TRIM4: variants seen among roughly 807,000 people sequenced by gnomAD.
TRIM4 encodes E3 ubiquitin-protein ligase TRIM4.
Under a neutral mutation model 33.7 loss-of-function variants are expected in TRIM4, and 29 were observed. The observed-to-expected ratio is 0.86, with a 90% confidence interval of 0.64 to 1.17. The LOEUF is 1.17. Among genes scored for constraint, TRIM4 ranks in the 50% most tolerant of loss-of-function variants. The probability of loss-of-function intolerance (pLI) is 0.00; values close to 1 mark genes in which losing one functional copy is unlikely to be tolerated. For missense variants in TRIM4, 554 were observed against 593.7 expected (o/e 0.93, Z 0.69); for synonymous variants, 224 against 233.0 (o/e 0.96, Z 0.35).
rs1304422181 is a variant in TRIM4 at position 99,908,819 on chromosome 7, C to T, written c.490-7G>A. On this transcript the variant is annotated splice_region_variant and splice_polypyrimidine_tract_variant and intron_variant, in intron 2 of 5. Coordinates refer to ENST00000349062, the MANE Select transcript of TRIM4 (RefSeq NM_033091.3). Reference sequence around the variant, plus strand: ...GCTGACTCTTTATCTTATCCTAAGGCCACATGAGATTTGCTCACTCCTTTT... The same window carrying T: ...GCTGACTCTTTATCTTATCCTAAGGTCACATGAGATTTGCTCACTCCTTTT... The T allele has an allele frequency of 7.4e-6, 12 of 1,611,028 alleles. No individual in the cohort carries two copies. In the East Asian group the frequency reaches 2.2e-4, roughly 30 times the overall value.
At chr7:99,903,000 T>G (rs927593201) in intron 5 of TRIM4, among the ~76,000 whole-genome samples, 1 of 152,122 alleles carries the variant, frequency 6.6e-6, no homozygotes, top group Admixed American at 6.5e-5. Context: ...TACGAACTCA[T>G]GAAGAAGTGA....
rs764031797 is a variant in TRIM4, at chr7:99,919,010, C to T, written c.392G>A (p.Arg131Gln). 2.5e-5 allele frequency: 40 copies of T among 1,589,224 alleles called. No individual in the cohort carries two copies. The highest frequency in any genetic ancestry group is 3.3e-5 in the Non-Finnish European group (39 of 1,170,102). ...TAGTCACCGCGACGGCCAGCTCACC[C>T]GGTAGCTCTCGAAGGCCTCGTCGAT... Reference protein sequence around the residue: ...APIDEAFESYREKLLKSQRNL... With the variant: ...APIDEAFESYQEKLLKSQRNL... Residue 131 changes from arginine (R) to glutamine (Q), a missense_variant and splice_region_variant, in exon 1 of 6, where the codon CGG becomes CAG. Transcript: ENST00000349062.
chr7:99,917,829 GGGGC>G, intron 1 of TRIM4: 27 of 985,356 alleles, frequency 2.7e-5, no homozygotes, highest in Non-Finnish European at 3.1e-5. Context: ...GGGAGGGGGT[GGGGC>G]TACTCTGGAA....
chr7:99,917,780 A>G lies in TRIM4; in HGVS notation c.393+1229T>C, dbSNP rs934371086. 1.0e-5 allele frequency: 10 copies of G among 978,430 alleles called. No individual in the cohort carries two copies. In the South Asian group the frequency reaches 4.7e-4, roughly 46 times the overall value. The allele number at this position is 978,430 out of a possible 1,614,324, so 60.6% of individuals were successfully genotyped here. ...TGTGTTCATGTACTTACTGCATATC[A>G]ATTCTGCTGGAGACCACTGGAGTTA... On this transcript the variant is annotated intron_variant, in intron 1 of 5. Transcript: ENST00000349062.
chr7:99,903,550 C>T (rs958614412), intron 4 of TRIM4, 26 bp downstream of exon 4: 3 of 1,614,100 alleles, frequency 1.9e-6, no homozygotes, highest in Non-Finnish European at 1.7e-6. Flanking sequence ...CCACCCAGGT[C>T]CCCATAAGAG....
intron 1 of TRIM4, among the ~76,000 whole-genome samples, chr7:99,915,635 C>G (rs1819539647): frequency 6.6e-6 from 1 of 152,126 alleles, no homozygotes; most frequent in African/African-American, 2.4e-5. Context: ...TTCTAACTAA[C>G]TTGGGGTGGG....
Position 99,908,817 on chromosome 7 carries a change from G to T in TRIM4, c.490-5C>A, listed in dbSNP as rs1387065605. 2 of 1,611,398 alleles carry T rather than the reference G, an allele frequency of 1.2e-6. No individual in the cohort carries two copies. Among genetic ancestry groups the T allele is most frequent in the Admixed American group, 3.4e-5 (2 of 59,500 alleles). The stretch of plus-strand genomic sequence containing the variant: ...TCGCTGACTCTTTATCTTATCCTAA[G>T]GCCACATGAGATTTGCTCACTCCTT... On this transcript the variant is annotated splice_region_variant and splice_polypyrimidine_tract_variant and intron_variant, in intron 2 of 5. Transcript: ENST00000349062.
At chr7:99,899,358 A>G (rs978246228) in intron 5 of TRIM4, among the ~76,000 whole-genome samples, 3 of 152,230 alleles carry the variant, frequency 2.0e-5, no homozygotes. Flanking sequence ...TTTTACAAAT[A>G]GCAGTGGTTT....
At chr7:99,903,462 C>A in intron 4 of TRIM4, 114 bp downstream of exon 4, 1 of 1,432,420 alleles carries the variant, frequency 7.0e-7, no homozygotes, top group Non-Finnish European at 9.8e-7. Context: ...TTCCTCAGAC[C>A]CCCATTAGGG....
At position 99,909,563 on chromosome 7, in the gene TRIM4, AC is replaced by A; in HGVS notation, c.489+1del. On this transcript the variant is annotated splice_donor_variant, in intron 2 of 5. Coordinates refer to ENST00000349062, the MANE Select transcript of TRIM4 (RefSeq NM_033091.3). LOFTEE classifies it high-confidence loss of function. ...GAAATATCCAACCACTTCTGCCATT[AC>A]CTTCCACTGTGTGGCGTTCTTCACT... The A allele has an allele frequency of 1.2e-6, 2 of 1,613,278 alleles. No individual in the cohort carries two copies. The highest frequency in any genetic ancestry group is 1.7e-6 in the Non-Finnish European group (2 of 1,179,600).
chr7:99,907,458 C>T (rs1333682055), intron 3 of TRIM4, among the ~76,000 whole-genome samples: 1 of 152,210 alleles, frequency 6.6e-6, no homozygotes, highest in Non-Finnish European at 1.5e-5. Flanking sequence ...TTTCCATTTG[C>T]TGATATAATT....
chr7:99,892,250 A>T lies in TRIM4; in HGVS notation c.1338T>A (p.Ser446=). The change falls in exon 6 of 6, where the codon TCT becomes TCA. Residue 446 remains serine, a synonymous_variant. Coordinates refer to ENST00000349062, the MANE Select transcript of TRIM4 (RefSeq NM_033091.3). ...GCCGGAGGCGTGAGACAGAAGAACA[A>T]GAAAAGGTGTGCAGGTGCACTCCGT... is the stretch of plus-strand genomic sequence containing the variant. ...AVDGVHLHTF[S]CSSVSRLRPF... The T allele has an allele frequency of 3.7e-6, 6 of 1,614,224 alleles. No homozygotes were observed. The highest frequency in any genetic ancestry group is 5.1e-6 in the Non-Finnish European group (6 of 1,180,042).
chr7:99,905,578 T>C (rs1170970868), intron 3 of TRIM4, among the ~76,000 whole-genome samples: 1 of 152,158 alleles, frequency 6.6e-6, no homozygotes, highest in Non-Finnish European at 1.5e-5. Flanking sequence ...TGCTGGGAGC[T>C]GAAGGCAGGC....
intron 1 of TRIM4, among the ~76,000 whole-genome samples, chr7:99,915,228 G>A (rs932642765): frequency 6.6e-6 from 1 of 152,144 alleles, no homozygotes; most frequent in African/African-American, 2.4e-5. Context: ...GAGCTCCATG[G>A]AAAGCCTTTA....
At chr7:99,910,361 CA>C (rs1294735227) in intron 1 of TRIM4, among the ~76,000 whole-genome samples, 7 of 152,012 alleles carry the variant, frequency 4.6e-5, no homozygotes, top group African/African-American at 1.7e-4. Context: ...CAAAAATAAC[CA>C]ATATGTAAAG....
chr7:99,892,858 T>C, intron 5 of TRIM4, 112 bp from the exon 6 acceptor site: 1 of 927,588 alleles, frequency 1.1e-6, no homozygotes, highest in Non-Finnish European at 1.6e-6. Flanking sequence ...CAAACACTCA[T>C]GACTCCACTG....
rs201741037 is a variant in TRIM4 at position 99,909,628 on chromosome 7, C to A, written c.426G>T (p.Val142=). 187 of 1,613,796 alleles carry A rather than the reference C, an allele frequency of 1.2e-4. 1 individual carries two copies. In the South Asian group the frequency reaches 2.0e-3, roughly 17 times the overall value. The part of the protein sequence containing the change: ...EKLLKSQRNL[V]AKMKKVMHLQ... ...AATGCATGACTTTCTTCATCTTGGC[C>A]ACGAGATTACGCTGAGACTTAAGAA... Residue 142 remains valine, a synonymous_variant, in exon 2 of 6, where the codon GTG becomes GTT. Transcript: ENST00000349062.
intron 4 of TRIM4, 73 bp from the exon 5 acceptor site, chr7:99,903,388 C>A: frequency 1.4e-6 from 2 of 1,401,300 alleles, no homozygotes; most frequent in South Asian, 1.2e-5. Context: ...GTCAAAGGTT[C>A]TTAGCCCAAA....
intron 5 of TRIM4, 146 bp from the exon 6 acceptor site, chr7:99,892,892 G>A: frequency 1.4e-6 from 1 of 710,744 alleles, no homozygotes; most frequent in Non-Finnish European, 2.3e-6. Context: ...CCTCAGCCAG[G>A]CCTAGCAGGC....
Sources: allele counts gnomAD v4.1 joint callset (sites outside exome capture counted in the v4.1 genomes callset), GRCh38; gene constraint gnomAD v4.1.1; transcripts MANE v1.5; gene names NCBI Gene and HGNC (gene_info 2026-07-23, HGNC 2026-07-21).